The following STX8 variants were observed in gnomAD, a reference collection of about 807,000 sequenced individuals.
STX8 encodes syntaxin-8.
A neutral mutation model predicts 37.5 loss-of-function variants in STX8; 23 were observed. That is an observed-to-expected ratio of 0.61 (90% confidence interval 0.44 to 0.87). The LOEUF is 0.87. Ranked by LOEUF, STX8 falls within the 40% of genes least tolerant of loss-of-function variation. STX8 has a pLI of 0.00. For synonymous variants in STX8, 115 were observed against 99.1 expected, an observed-to-expected ratio of 1.16 and a Z score of -0.95; for missense variants, 313 against 284.7, an observed-to-expected ratio of 1.10 and a Z score of -0.71.
intron 4 of STX8, among the ~76,000 whole-genome samples, chr17:9,519,745 C>G (rs954768102): frequency 2.5e-5 from 1 of 39,720 alleles, no homozygotes; most frequent in Admixed American, 2.9e-4. Flanking sequence ...CCCCACCGCT[C>G]AGACAAAGGC....
chr17:9,265,295 C>A (rs1225387229), intron 7 of STX8, among the ~76,000 whole-genome samples: 1 of 152,118 alleles, frequency 6.6e-6, no homozygotes, highest in African/African-American at 2.4e-5. Flanking sequence ...TTTCTGGGGC[C>A]CAGATTGGGG....
At chr17:9,481,371 T>C (rs894204154) in intron 6 of STX8, among the ~76,000 whole-genome samples, 1 of 152,170 alleles carries the variant, frequency 6.6e-6, no homozygotes, top group African/African-American at 2.4e-5. Context: ...ATTCCATATT[T>C]CCTTTAAAGG....
chr17:9,354,992 C>T (rs938815319), intron 7 of STX8, among the ~76,000 whole-genome samples: 3 of 152,170 alleles, frequency 2.0e-5, no homozygotes, highest in Non-Finnish European at 4.4e-5. Context: ...ATATTGGATG[C>T]CATTCTAAGT....
chr17:9,557,833 T>C (rs1907040937), intron 2 of STX8, among the ~76,000 whole-genome samples: 1 of 152,158 alleles, frequency 6.6e-6, no homozygotes, highest in African/African-American at 2.4e-5. Flanking sequence ...TCCTGTCACC[T>C]GAGCTTCTAC....
At chr17:9,438,382 C>T (rs574808141) in intron 6 of STX8, among the ~76,000 whole-genome samples, 1 of 151,066 alleles carries the variant, frequency 6.6e-6, no homozygotes, top group Non-Finnish European at 1.5e-5. Flanking sequence ...ACTCTGGCAT[C>T]GTCTGAGAGC....
chr17:9,449,750 A>G (rs1186555613), intron 6 of STX8, among the ~76,000 whole-genome samples: 1 of 151,998 alleles, frequency 6.6e-6, no homozygotes, highest in African/African-American at 2.4e-5. Context: ...ATTTTGGAAA[A>G]GGCAAAACTT....
At chr17:9,452,395 A>G (rs538901933) in intron 6 of STX8, 34 of 152,276 alleles carry the variant, frequency 2.2e-4, no homozygotes, top group African/African-American at 7.7e-4. Flanking sequence ...TTGCTCAACT[A>G]GAAGTTAAAT....
rs373431967 is a variant in STX8, at chr17:9,445,315, C to T, written c.541+46514G>A. ...CATTTCTTTTTTCCTTTTCCCACTG[C>T]GAGTGAGAAAGAAGAGACATGATAT... On this transcript the variant is annotated intron_variant, in intron 6 of 7. Transcript: ENST00000306357. Among the ~76,000 whole-genome samples the T allele has an allele frequency of 7.3e-5, 11 of 151,366 alleles. No individual in the cohort carries two copies. The East Asian group carries it at 7.8e-4, about 11-fold the overall frequency.
intron 7 of STX8, among the ~76,000 whole-genome samples, chr17:9,281,807 A>ACCTGTAGTC (rs1310912893): frequency 6.6e-6 from 1 of 152,122 alleles, no homozygotes; most frequent in East Asian, 1.9e-4. Context: ...GGTGGCACAC[A>ACCTGTAGTC]CCTGTAGTCC....
intron 7 of STX8, among the ~76,000 whole-genome samples, chr17:9,270,619 G>T (rs770180205): frequency 6.6e-6 from 1 of 152,152 alleles, no homozygotes; most frequent in South Asian, 2.1e-4. Flanking sequence ...ACAGTACTTG[G>T]CACATAGTAA....
At position 9,384,929 on chromosome 17, in the gene STX8, C is replaced by A. The variant is rs8067113; in HGVS notation, c.542-6276G>T. Among the ~76,000 whole-genome samples, 731 of 150,010 alleles carry A rather than the reference C, an allele frequency of 4.9e-3. 2 individuals are homozygous for A. The highest frequency in any genetic ancestry group is 0.017 in the African/African-American group (698 of 40,716). ...TATGAGGAAGTAAAAAACCCCTCAACCCTTTTCTCTCCATACCAAAAAAAA... is the reference window on the plus strand; with the variant it reads ...TATGAGGAAGTAAAAAACCCCTCAAACCTTTTCTCTCCATACCAAAAAAAA... On this transcript the variant is annotated intron_variant, in intron 6 of 7. Transcript: ENST00000306357.
chr17:9,345,572 A>T (rs914122874), intron 7 of STX8, among the ~76,000 whole-genome samples: 1 of 152,126 alleles, frequency 6.6e-6, no homozygotes, highest in Non-Finnish European at 1.5e-5. Flanking sequence ...TATTTTTAAA[A>T]TTTTTTATTT....
At chr17:9,342,510 A>C (rs111448994) in intron 7 of STX8, among the ~76,000 whole-genome samples, 1,832 of 152,294 alleles carry the variant, frequency 0.012, 42 homozygotes, top group African/African-American at 0.042. Flanking sequence ...GAGGAGGAGA[A>C]AGAGCTCCAC....
chr17:9,478,276 C>G (rs146807863), intron 6 of STX8, among the ~76,000 whole-genome samples: 16,444 of 152,156 alleles, frequency 0.11, 909 homozygotes, highest in Middle Eastern at 0.13. Context: ...GCTGGGATTA[C>G]AGGCGTGCAC....
chr17:9,354,793 T>C (rs1213689076), intron 7 of STX8, among the ~76,000 whole-genome samples: 1 of 152,166 alleles, frequency 6.6e-6, no homozygotes, highest in African/African-American at 2.4e-5. Flanking sequence ...TACCATCTAT[T>C]TTCCCTCTTA....
chr17:9,299,546 C>T (rs1232254208), intron 7 of STX8, among the ~76,000 whole-genome samples: 1 of 150,672 alleles, frequency 6.6e-6, no homozygotes, highest in Non-Finnish European at 1.5e-5. Flanking sequence ...CAGGTTCACA[C>T]CATTCTCCTG....
intron 5 of STX8, among the ~76,000 whole-genome samples, chr17:9,501,665 T>C (rs1030188308): frequency 6.9e-6 from 1 of 145,934 alleles, no homozygotes; most frequent in Non-Finnish European, 1.5e-5. Context: ...CACTCCAGCC[T>C]GGGCAACAGT....
chr17:9,391,375 C>A (rs540466693), intron 6 of STX8, among the ~76,000 whole-genome samples: 58 of 152,186 alleles, frequency 3.8e-4, no homozygotes, highest in Admixed American at 2.6e-3. Flanking sequence ...TTGCTTGAAC[C>A]TGGGAAGTGG....
chr17:9,544,208 G>A (rs918515246), intron 4 of STX8, among the ~76,000 whole-genome samples: 9 of 152,156 alleles, frequency 5.9e-5, no homozygotes, highest in Admixed American at 1.3e-4. Context: ...GAGGAGAGGC[G>A]GGTTTCCACC....
Sources: allele counts gnomAD v4.1 joint callset (sites outside exome capture counted in the v4.1 genomes callset), GRCh38; gene constraint gnomAD v4.1.1; transcripts MANE v1.5; gene names NCBI Gene and HGNC (gene_info 2026-07-23, HGNC 2026-07-21).